SMOC2: variants seen among roughly 807,000 people sequenced by gnomAD.
SMOC2 encodes SPARC-related modular calcium-binding protein 2.
A neutral mutation model predicts 61.4 loss-of-function variants in SMOC2; 39 were observed. The observed-to-expected ratio is 0.64, with a 90% CI of 0.49 to 0.83. The LOEUF (loss-of-function observed/expected upper bound fraction) is 0.83. Among genes scored for constraint, SMOC2 ranks in the 40% least tolerant of loss-of-function variants. The pLI, the probability that SMOC2 is intolerant of heterozygous loss-of-function variation, is 0.00. For missense variants in SMOC2, 556 were observed against 592.9 expected (o/e 0.94, Z 0.65); for synonymous variants, 247 against 239.9 (o/e 1.03, Z -0.27).
At chr6:168,449,798 G>A (rs1781420123) in intron 1 of SMOC2, among the ~76,000 whole-genome samples, 2 of 152,204 alleles carry the variant, frequency 1.3e-5, no homozygotes, top group Admixed American at 6.5e-5. Context: ...ATAAACACGT[G>A]CTTTTCTGTC....
intron 11 of SMOC2, among the ~76,000 whole-genome samples, chr6:168,663,649 T>C (rs1787577149): frequency 6.6e-6 from 1 of 152,196 alleles, no homozygotes; most frequent in South Asian, 2.1e-4. Flanking sequence ...TTGTGTTGAA[T>C]GTATATATAG....
intron 7 of SMOC2, among the ~76,000 whole-genome samples, chr6:168,581,866 C>T (rs923709874): frequency 2.6e-5 from 4 of 152,140 alleles, no homozygotes; most frequent in East Asian, 3.9e-4. Context: ...TGCACTCAGC[C>T]GCCTTCACCG....
At chr6:168,524,930 G>A (rs761031174) in intron 2 of SMOC2, among the ~76,000 whole-genome samples, 8 of 152,248 alleles carry the variant, frequency 5.3e-5, no homozygotes, top group African/African-American at 7.2e-5. Context: ...CCGCTGTGAC[G>A]GGTGGAGCCC....
chr6:168,584,519 A>AATGCAAC (rs1562362924), intron 7 of SMOC2, among the ~76,000 whole-genome samples: 1 of 152,124 alleles, frequency 6.6e-6, no homozygotes, highest in African/African-American at 2.4e-5. Flanking sequence ...AGTGTACACT[A>AATGCAAC]ATGGAACACC....
At chr6:168,565,396 C>T (rs1784518852) in intron 7 of SMOC2, among the ~76,000 whole-genome samples, 3 of 152,114 alleles carry the variant, frequency 2.0e-5, no homozygotes, top group Admixed American at 6.5e-5. Flanking sequence ...GTGGTCTTCC[C>T]TCTGTGGTGT....
At position 168,524,314 on chromosome 6, in the gene SMOC2, T is replaced by G. The variant is rs1215514561; in HGVS notation, c.257-2032T>G. 2.6e-5 allele frequency among the ~76,000 whole-genome samples: 4 copies of G among 152,246 alleles called. No homozygotes were observed. In the South Asian group the frequency reaches 6.2e-4, roughly 24 times the overall value. ...CAGGTTTATTTTGAGTGATGATTTA[T>G]GCAGGCCTTGTAATTTCATGCTAAG... On this transcript the variant is annotated intron_variant, in intron 2 of 12. Transcript: ENST00000356284.
intron 7 of SMOC2, among the ~76,000 whole-genome samples, chr6:168,556,389 C>T (rs1037346278): frequency 1.3e-5 from 2 of 152,170 alleles, no homozygotes; most frequent in African/African-American, 2.4e-5. Context: ...CCTCGGTCCC[C>T]AGCAGCCCAC....
chr6:168,625,847 T>A (rs2880409), intron 9 of SMOC2, among the ~76,000 whole-genome samples: 136,747 of 151,978 alleles, frequency 0.9, 61,602 homozygotes, highest in Middle Eastern at 0.97. Flanking sequence ...GGGCCCAGAT[T>A]AAACAGACCA....
At chr6:168,660,574 G>A (rs1387581107) in intron 11 of SMOC2, among the ~76,000 whole-genome samples, 1 of 152,230 alleles carries the variant, frequency 6.6e-6, no homozygotes, top group Non-Finnish European at 1.5e-5. Context: ...TTTCCTTCTG[G>A]TTCACATAGC....
intron 2 of SMOC2, among the ~76,000 whole-genome samples, chr6:168,518,620 ACTGAG>A (rs893254709): frequency 1.2e-5 from 1 of 83,014 alleles, no homozygotes; most frequent in African/African-American, 3.1e-5. Flanking sequence ...TGCATGTATG[ACTGAG>A]TGCATGTGTG....
At chr6:168,661,215 A>G (rs778206019) in intron 11 of SMOC2, among the ~76,000 whole-genome samples, 15 of 152,200 alleles carry the variant, frequency 9.9e-5, no homozygotes, top group Non-Finnish European at 7.3e-5. Flanking sequence ...AAGATCCAGG[A>G]AGAAATTAGT....
intron 1 of SMOC2, among the ~76,000 whole-genome samples, chr6:168,500,461 C>T (rs939673128): frequency 5.3e-5 from 8 of 152,088 alleles, no homozygotes; most frequent in East Asian, 1.9e-4. Flanking sequence ...ACAGCATTCA[C>T]GCGTGGAACC....
chr6:168,597,727 C>G (rs1236319799), intron 7 of SMOC2, among the ~76,000 whole-genome samples: 1 of 152,240 alleles, frequency 6.6e-6, no homozygotes, highest in East Asian at 1.9e-4. Flanking sequence ...CCCAAGCTTC[C>G]TTCAGGCTGA....
chr6:168,599,435 TCACA>T (rs749321684), intron 8 of SMOC2, among the ~76,000 whole-genome samples: 100 of 46,658 alleles, frequency 2.1e-3, no homozygotes, highest in Non-Finnish European at 3.6e-3. Context: ...ACACCCACAC[TCACA>T]CACACATTCG....
At chr6:168,644,613 A>G (rs1039844520) in intron 9 of SMOC2, among the ~76,000 whole-genome samples, 11 of 151,370 alleles carry the variant, frequency 7.3e-5, no homozygotes, top group African/African-American at 2.7e-4. Flanking sequence ...AGAGAGGACC[A>G]ATCAAATGTT....
At chr6:168,605,772 C>A (rs1434543946) in intron 8 of SMOC2, among the ~76,000 whole-genome samples, 1 of 152,024 alleles carries the variant, frequency 6.6e-6, no homozygotes, top group Non-Finnish European at 1.5e-5. Context: ...GCTTCAGGGG[C>A]ACAACAGAGT....
intron 7 of SMOC2, among the ~76,000 whole-genome samples, chr6:168,587,081 A>C (rs556318248): frequency 5.9e-5 from 9 of 152,360 alleles, no homozygotes; most frequent in African/African-American, 1.9e-4. Context: ...TACTTGTCTA[A>C]AGACTGATAG....
intron 1 of SMOC2, among the ~76,000 whole-genome samples, chr6:168,469,204 A>G (rs1377773866): frequency 6.6e-6 from 1 of 152,200 alleles, no homozygotes; most frequent in African/African-American, 2.4e-5. Context: ...CCTCACTGGT[A>G]AAAAGAGATA....
chr6:168,576,785 G>A (rs142004912), intron 7 of SMOC2, among the ~76,000 whole-genome samples: 6 of 151,968 alleles, frequency 3.9e-5, no homozygotes. Flanking sequence ...TCGTGTTCAG[G>A]GATCACCCGT....
Sources: gnomAD v4.1 joint callset for allele counts (sites outside exome capture counted in the v4.1 genomes callset) on GRCh38, gnomAD v4.1.1 for gene constraint, MANE v1.5 for transcripts, NCBI Gene and HGNC (gene_info 2026-07-23, HGNC 2026-07-21) for gene names.